SPINK4: variants seen among roughly 807,000 people sequenced by gnomAD.
The protein encoded by SPINK4 is serine peptidase inhibitor Kazal type 4, also known as serine protease inhibitor Kazal-type 4.
A neutral mutation model predicts 12.3 loss-of-function variants in SPINK4; 10 were observed. The ratio of observed to expected loss-of-function variants is 0.81; its 90% CI spans 0.50 to 1.37. The LOEUF (loss-of-function observed/expected upper bound fraction) is 1.37, where lower values mean the gene tolerates loss of function less well. Among genes scored for constraint, SPINK4 ranks in the 40% most tolerant of loss-of-function variants. The pLI is 0.00. For synonymous variants in SPINK4, 37 were observed against 40.2 expected (o/e 0.92, Z 0.30); for missense variants, 91 against 109.0 (o/e 0.84, Z 0.73).
In SPINK4 at chr9:33,240,273, A is replaced by G. The variant is rs1169762697; in HGVS notation, c.61+4A>G. On this transcript the variant is annotated splice_donor_region_variant and intron_variant, in intron 1 of 3. Transcript: ENST00000379721. ...GCCCTCCTTGTTGTGGACAGGGGTG[A>G]GTGGGCAGAACCTGGATTCTCTGTG... 6.3e-7 allele frequency: 1 copy of G among 1,598,372 alleles called. No individual in the cohort carries two copies. Among genetic ancestry groups the G allele is most frequent in the Non-Finnish European group, 8.5e-7 (1 of 1,172,898 alleles).
chr9:33,242,335 A>G (rs1165058766), intron 1 of SPINK4, among the ~76,000 whole-genome samples: 3 of 152,050 alleles, frequency 2.0e-5, no homozygotes, highest in Non-Finnish European at 4.4e-5. Context: ...TCTGCTCAGG[A>G]AACTGTTGGG....
At chr9:33,241,707 C>G (rs1268853693) in intron 1 of SPINK4, among the ~76,000 whole-genome samples, 1 of 151,748 alleles carries the variant, frequency 6.6e-6, no homozygotes, top group Non-Finnish European at 1.5e-5. Context: ...TTGTTTTTTG[C>G]ACATTTCAGA....
At chr9:33,246,308 A>C (rs938193553) in intron 2 of SPINK4, among the ~76,000 whole-genome samples, 1 of 152,068 alleles carries the variant, frequency 6.6e-6, no homozygotes, top group Non-Finnish European at 1.5e-5. Flanking sequence ...TGAGGGCACA[A>C]ACTCACTCCA....
rs898042177 is a variant in SPINK4, at chr9:33,248,538, G to A, written c.*67G>A. ...ACAGTGGTGGGCATGGAGAGGATAT[G>A]ACATGAAATAAAAGATCCAGCCCAA... On this transcript the variant is annotated 3_prime_UTR_variant, in exon 4 of 4. Coordinates refer to ENST00000379721, the MANE Select transcript of SPINK4 (RefSeq NM_014471.3). 5.1e-6 allele frequency: 8 copies of A among 1,583,922 alleles called. No homozygotes were observed. The African/African-American group carries it at 9.4e-5, about 19-fold the overall frequency.
At chr9:33,246,811 T>A in intron 3 of SPINK4, 83 bp downstream of exon 3, 1 of 1,212,554 alleles carries the variant, frequency 8.2e-7, no homozygotes, top group South Asian at 1.2e-5. Context: ...CTTGACCTGC[T>A]TCTTCCTTCA....
chr9:33,243,051 T>A (rs12555755), intron 1 of SPINK4, among the ~76,000 whole-genome samples: 30 of 151,952 alleles, frequency 2.0e-4, no homozygotes, highest in South Asian at 6.2e-4. Context: ...AATTTAAAAA[T>A]TTTTTTAAAT....
rs73476636 is a variant in SPINK4, at chr9:33,245,747, C to T, written c.102+595C>T. On this transcript the variant is annotated intron_variant, in intron 2 of 3. Coordinates refer to ENST00000379721, the MANE Select transcript of SPINK4 (RefSeq NM_014471.3). ...TCCCATCCACAGCCTCAGCATCGTC[C>T]CCGTCAGTCCATCAGAATCCAGCCC... Among the ~76,000 whole-genome samples, 784 of 152,270 alleles carry T rather than the reference C, an allele frequency of 5.1e-3. 9 individuals carry two copies. Among genetic ancestry groups the T allele is most frequent in the African/African-American group, 0.018 (757 of 41,560 alleles).
chr9:33,244,617 C>T (rs1454703180), intron 1 of SPINK4, among the ~76,000 whole-genome samples: 3 of 152,214 alleles, frequency 2.0e-5, no homozygotes, highest in Non-Finnish European at 4.4e-5. Flanking sequence ...AGGGTAATTC[C>T]TAGGAAGAGA....
At chr9:33,246,331 T>A (rs375866078) in intron 2 of SPINK4, among the ~76,000 whole-genome samples, 101 of 152,072 alleles carry the variant, frequency 6.6e-4, no homozygotes, top group African/African-American at 2.3e-3. Flanking sequence ...CACATAGACA[T>A]AAACACAGGC....
chr9:33,246,614 AG>A lies in SPINK4; in HGVS notation c.103-1del, dbSNP rs1430412987. Reference sequence around the variant, plus strand: ...GTCCTCTCCCTCCCTTCTCTTCCACAGCCCATCTGTGAACACATGGTAGAGT... The same window carrying A: ...GTCCTCTCCCTCCCTTCTCTTCCACACCCATCTGTGAACACATGGTAGAGT... On this transcript the variant is annotated splice_acceptor_variant, in intron 2 of 3. Transcript: ENST00000379721. LOFTEE classifies it high-confidence loss of function. 6.2e-6 allele frequency: 10 copies of A among 1,612,444 alleles called. No individual in the cohort carries two copies. Among genetic ancestry groups the A allele is most frequent in the Non-Finnish European group, 8.5e-6 (10 of 1,178,802 alleles).
chr9:33,240,430 T>C (rs551199757), intron 1 of SPINK4, among the ~76,000 whole-genome samples, 161 bp downstream of exon 1: 99 of 152,330 alleles, frequency 6.5e-4, no homozygotes, highest in African/African-American at 2.2e-3. Flanking sequence ...AGTTCTGGGC[T>C]GGGAGAAAAG....
intron 1 of SPINK4, among the ~76,000 whole-genome samples, chr9:33,240,728 T>C (rs971919474): frequency 2.6e-5 from 4 of 152,166 alleles, no homozygotes; most frequent in Non-Finnish European, 5.9e-5. Context: ...TGGGCAGCCA[T>C]GTGAGCACGA....
intron 2 of SPINK4, 22 bp downstream of exon 2, chr9:33,245,174 C>T (rs1037372146): frequency 1.9e-6 from 3 of 1,611,080 alleles, no homozygotes; most frequent in South Asian, 2.2e-5. Context: ...GCGTGTTGTT[C>T]TCACCTTCTC....
chr9:33,244,252 TAGAA>T (rs1554693816), intron 1 of SPINK4, among the ~76,000 whole-genome samples: 1 of 152,214 alleles, frequency 6.6e-6, no homozygotes, highest in Non-Finnish European at 1.5e-5. Context: ...CCAGTGTATG[TAGAA>T]AGAGTCAGGC....
chr9:33,246,759 G>C, intron 3 of SPINK4, 31 bp downstream of exon 3: 1 of 1,600,374 alleles, frequency 6.2e-7, no homozygotes, highest in Non-Finnish European at 8.6e-7. Flanking sequence ...CTGCTTGCTT[G>C]GGTGGGCCCC....
chr9:33,248,250 A>C, intron 3 of SPINK4, 176 bp from the exon 4 acceptor site: 1 of 624,910 alleles, frequency 1.6e-6, no homozygotes, highest in South Asian at 2.1e-5. Flanking sequence ...AGGGTGTACA[A>C]AAAAGGAAAA....
Position 33,246,641 on chromosome 9 carries a change from C to T in SPINK4, c.128C>T (p.Ser43Phe), listed in dbSNP as rs145229322. 3.1e-3 allele frequency: 4,927 copies of T among 1,614,006 alleles called. 14 individuals are homozygous for T. The highest frequency in any genetic ancestry group is 3.1e-3 in the Non-Finnish European group (3,710 of 1,179,986). ...RMPICEHMVESPTCSQMSNLV... is the reference protein window; with the variant it reads ...RMPICEHMVEFPTCSQMSNLV... Reference sequence around the variant, plus strand: ...CCCATCTGTGAACACATGGTAGAGTCTCCAACCTGTTCCCAGATGTCCAAC... The same window carrying T: ...CCCATCTGTGAACACATGGTAGAGTTTCCAACCTGTTCCCAGATGTCCAAC... The change falls in exon 3 of 4, where the codon TCT becomes TTT. Residue 43 changes from serine to phenylalanine, a missense_variant. Coordinates refer to ENST00000379721, the MANE Select transcript of SPINK4 (RefSeq NM_014471.3).
chr9:33,242,938 C>A (rs1159209466), intron 1 of SPINK4, among the ~76,000 whole-genome samples: 1 of 150,660 alleles, frequency 6.6e-6, no homozygotes, highest in Non-Finnish European at 1.5e-5. Context: ...TGCAGTGGTG[C>A]AATCATAGCT....
rs1820308814 is a variant in SPINK4 at position 33,248,542 on chromosome 9, T to C, written c.*71T>C. 2 of 1,579,394 alleles carry C rather than the reference T, an allele frequency of 1.3e-6. No homozygotes were observed. Among genetic ancestry groups the C allele is most frequent in the Admixed American group, 1.7e-5 (1 of 58,946 alleles). ...TGGTGGGCATGGAGAGGATATGACA[T>C]GAAATAAAAGATCCAGCCCAACTGA... On this transcript the variant is annotated 3_prime_UTR_variant, in exon 4 of 4. Coordinates refer to ENST00000379721, the MANE Select transcript of SPINK4 (RefSeq NM_014471.3).
Sources: gnomAD v4.1 joint callset for allele counts (sites outside exome capture counted in the v4.1 genomes callset) on GRCh38, gnomAD v4.1.1 for gene constraint, MANE v1.5 for transcripts, NCBI Gene and HGNC (gene_info 2026-07-23, HGNC 2026-07-21) for gene names.